Variants in ATP6V1H observed in about 807,000 individuals in gnomAD.
ATP6V1H encodes the protein V-type proton ATPase subunit H.
Under a neutral mutation model 71.7 loss-of-function variants are expected in ATP6V1H, and 39 were observed. The observed-to-expected ratio is 0.54, with a 90% confidence interval of 0.42 to 0.71. The LOEUF is 0.71. Ranked by LOEUF, ATP6V1H falls within the 30% of genes least tolerant of loss-of-function variation. The pLI is 0.00. For synonymous variants in ATP6V1H, 192 were observed against 199.3 expected (o/e 0.96, Z 0.31); for missense variants, 509 against 594.9 (o/e 0.86, Z 1.50).
chr8:53,786,074 G>C (rs1809372840), intron 9 of ATP6V1H, among the ~76,000 whole-genome samples: 1 of 152,236 alleles, frequency 6.6e-6, no homozygotes, highest in Admixed American at 6.5e-5. Context: ...CTGTCAGACA[G>C]GGACATTTAA....
Position 53,829,535 on chromosome 8 carries a change from T to TAAA in ATP6V1H, c.217-5_217-3dup. 8.1e-6 allele frequency: 10 copies of TAAA among 1,229,430 alleles called. No homozygotes were observed. Among genetic ancestry groups the TAAA allele is most frequent in the Non-Finnish European group, 1.1e-5 (10 of 907,522 alleles). 76.2% of individuals were successfully genotyped at this position (1,229,430 alleles called of 1,614,324 possible). ...CAGATTTATAAATGTTTTAGCACACTAAAAAAAAAAATGAAATTAAAGTTA... is the reference window on the plus strand; with the variant it reads ...CAGATTTATAAATGTTTTAGCACACTAAAAAAAAAAAAAATGAAATTAAAGTTA... On this transcript the variant is annotated splice_region_variant and splice_polypyrimidine_tract_variant and intron_variant, in intron 3 of 13. Coordinates refer to ENST00000359530, the MANE Select transcript of ATP6V1H (RefSeq NM_015941.4).
At chr8:53,791,848 T>C (rs1196459016) in intron 9 of ATP6V1H, among the ~76,000 whole-genome samples, 1 of 152,206 alleles carries the variant, frequency 6.6e-6, no homozygotes, top group Admixed American at 6.5e-5. Flanking sequence ...AGACCTTCGA[T>C]GTCCAGCTCT....
chr8:53,836,613 G>A (rs1811166200), intron 2 of ATP6V1H, among the ~76,000 whole-genome samples: 1 of 152,146 alleles, frequency 6.6e-6, no homozygotes, highest in Non-Finnish European at 1.5e-5. Context: ...TTCCACCAGT[G>A]GATTTCCCCG....
At chr8:53,780,523 ATTTT>A (rs755101229) in intron 9 of ATP6V1H, among the ~76,000 whole-genome samples, 5 of 151,508 alleles carry the variant, frequency 3.3e-5, no homozygotes, top group Non-Finnish European at 4.4e-5. Context: ...AATATGTTAT[ATTTT>A]TTTTTCTTTT....
intron 11 of ATP6V1H, among the ~76,000 whole-genome samples, chr8:53,766,718 G>A (rs566271496): frequency 6.6e-6 from 1 of 152,204 alleles, no homozygotes; most frequent in Admixed American, 6.5e-5. Context: ...CTGCAGAGGT[G>A]AAATAAACTC....
chr8:53,813,290 C>T (rs1226316206), intron 6 of ATP6V1H, among the ~76,000 whole-genome samples: 1 of 152,074 alleles, frequency 6.6e-6, no homozygotes, highest in Non-Finnish European at 1.5e-5. Context: ...AAAATATCTC[C>T]ATCCAAATAC....
intron 12 of ATP6V1H, among the ~76,000 whole-genome samples, chr8:53,754,365 C>A (rs760711227): frequency 6.6e-6 from 1 of 152,174 alleles, no homozygotes; most frequent in Non-Finnish European, 1.5e-5. Flanking sequence ...CTGGCACAGG[C>A]TGGAACCAAG....
intron 13 of ATP6V1H, among the ~76,000 whole-genome samples, chr8:53,736,083 G>C (rs545487226): frequency 6.6e-6 from 1 of 152,284 alleles, no homozygotes; most frequent in African/African-American, 2.4e-5. Flanking sequence ...GAAATTTTAG[G>C]CCTAGTAGTA....
chr8:53,731,095 C>T (rs994564574), intron 13 of ATP6V1H, among the ~76,000 whole-genome samples: 2 of 152,228 alleles, frequency 1.3e-5, no homozygotes, highest in Non-Finnish European at 1.5e-5. Flanking sequence ...AGTTCCACTT[C>T]TGACAACACT....
chr8:53,783,986 T>G (rs1192543521), intron 9 of ATP6V1H, among the ~76,000 whole-genome samples: 2 of 152,184 alleles, frequency 1.3e-5, no homozygotes, highest in African/African-American at 4.8e-5. Flanking sequence ...TTGGAATAGG[T>G]GTGGTGTGGT....
chr8:53,782,929 C>T (rs2130368990), intron 9 of ATP6V1H, among the ~76,000 whole-genome samples: 1 of 152,248 alleles, frequency 6.6e-6, no homozygotes, highest in South Asian at 2.1e-4. Flanking sequence ...TGATGTGCTG[C>T]TGGATTCGGT....
chr8:53,785,960 C>T (rs1046766717), intron 9 of ATP6V1H, among the ~76,000 whole-genome samples: 7 of 152,218 alleles, frequency 4.6e-5, no homozygotes, highest in East Asian at 1.9e-4. Flanking sequence ...TGCGGGATGC[C>T]TCCCAGTTAG....
intron 3 of ATP6V1H, among the ~76,000 whole-genome samples, chr8:53,830,296 AGT>A (rs1035981076): frequency 5.9e-5 from 9 of 152,354 alleles, no homozygotes; most frequent in Middle Eastern, 3.4e-3. Context: ...TATAAATTAA[AGT>A]GTATTTCACT....
chr8:53,785,924 T>C lies in ATP6V1H; in HGVS notation c.870+9723A>G, dbSNP rs547155818. Among the ~76,000 whole-genome samples the C allele has an allele frequency of 2.2e-3, 338 of 152,212 alleles. 2 individuals are homozygous for C. Among genetic ancestry groups the C allele is most frequent in the African/African-American group, 7.9e-3 (327 of 41,520 alleles). On this transcript the variant is annotated intron_variant, in intron 9 of 13. Transcript: ENST00000359530. ...GTTTTGTCTCAGAGGAGTACCCGGC[T>C]GTGTGAGGTGTCAGTCCACCCTTAC... is the stretch of plus-strand genomic sequence containing the variant.
intron 9 of ATP6V1H, among the ~76,000 whole-genome samples, chr8:53,785,675 A>G (rs924648763): frequency 2.5e-4 from 38 of 151,776 alleles, no homozygotes; most frequent in Non-Finnish European, 5.4e-4. Context: ...GGTTTTATCC[A>G]CCTTTGGTCT....
chr8:53,767,949 A>G (rs551645584), intron 11 of ATP6V1H, among the ~76,000 whole-genome samples: 1 of 152,346 alleles, frequency 6.6e-6, no homozygotes, highest in African/African-American at 2.4e-5. Flanking sequence ...CTTGATCGAA[A>G]TTTTAAAACT....
In ATP6V1H at chr8:53,814,600, T is replaced by C. The variant is rs145760421; in HGVS notation, c.525+62A>G. 1.5e-4 allele frequency: 137 copies of C among 925,226 alleles called. 1 individual carries two copies. In the East Asian group the frequency reaches 3.1e-3, roughly 21 times the overall value. The allele number at this position is 925,226 out of a possible 1,614,324, so 57.3% of individuals were successfully genotyped here. ...TGTAATTTAACATATTTACTATAAATAGCTTAAAAGAACACGGATGTTATA... is the reference window on the plus strand; with the variant it reads ...TGTAATTTAACATATTTACTATAAACAGCTTAAAAGAACACGGATGTTATA... On this transcript the variant is annotated intron_variant, in intron 6 of 13. Transcript: ENST00000359530.
At chr8:53,804,516 C>T (rs1384183645) in intron 7 of ATP6V1H, among the ~76,000 whole-genome samples, 1 of 151,992 alleles carries the variant, frequency 6.6e-6, no homozygotes, top group East Asian at 1.9e-4. Flanking sequence ...CTCTACTAAA[C>T]ATACAAAAAA....
At chr8:53,784,906 C>T (rs969718609) in intron 9 of ATP6V1H, among the ~76,000 whole-genome samples, 5 of 152,144 alleles carry the variant, frequency 3.3e-5, no homozygotes, top group Admixed American at 1.3e-4. Flanking sequence ...CCGAGAGATC[C>T]ACTGTTAGTC....
Sources: allele counts gnomAD v4.1 joint callset (sites outside exome capture counted in the v4.1 genomes callset), GRCh38; gene constraint gnomAD v4.1.1; transcripts MANE v1.5; gene names NCBI Gene and HGNC (gene_info 2026-07-23, HGNC 2026-07-21).